Variants in SPOCK3 observed in about 807,000 individuals in gnomAD.
SPOCK3 encodes the protein testican-3.
In SPOCK3, 30 loss-of-function variants were observed where a neutral mutation model predicts 56.6. The ratio of observed to expected loss-of-function variants is 0.53; its 90% CI spans 0.40 to 0.72. The LOEUF (loss-of-function observed/expected upper bound fraction) is 0.72, where lower values mean the gene tolerates loss of function less well. Among genes scored for constraint, SPOCK3 ranks in the 30% least tolerant of loss-of-function variants. The pLI is 0.00. For missense variants in SPOCK3, 527 were observed against 530.0 expected, an observed-to-expected ratio of 0.99 and a Z score of 0.06; for synonymous variants, 196 against 183.3, an observed-to-expected ratio of 1.07 and a Z score of -0.56.
chr4:166,866,428 A>T (rs182048483), intron 6 of SPOCK3, among the ~76,000 whole-genome samples: 3 of 152,304 alleles, frequency 2.0e-5, no homozygotes, highest in Non-Finnish European at 2.9e-5. Context: ...AAAATTGACA[A>T]ATGGGATCTA....
rs538204984 is a variant in SPOCK3, at chr4:166,889,591, A to G, written c.475-347T>C. Among the ~76,000 whole-genome samples, 6 of 152,122 alleles carry G rather than the reference A, an allele frequency of 3.9e-5. 1 individual carries two copies. Among genetic ancestry groups the G allele is most frequent in the East Asian group, 1.9e-4 (1 of 5,168 alleles). Reference sequence around the variant, plus strand: ...CGCATGACATAGAGTTTGACAGTACATCTCTTGAGCTTCTCAAATATAATC... The same window carrying G: ...CGCATGACATAGAGTTTGACAGTACGTCTCTTGAGCTTCTCAAATATAATC... On this transcript the variant is annotated intron_variant, in intron 5 of 10. Coordinates refer to ENST00000357545, the MANE Select transcript of SPOCK3 (RefSeq NM_001040159.2).
At chr4:166,931,058 T>G (rs1739690966) in intron 4 of SPOCK3, among the ~76,000 whole-genome samples, 3 of 152,160 alleles carry the variant, frequency 2.0e-5, no homozygotes, top group Admixed American at 2.0e-4. Flanking sequence ...CTCAGCTCAC[T>G]GCAACCTCCA....
chr4:166,890,407 G>A (rs955334104), intron 5 of SPOCK3, among the ~76,000 whole-genome samples: 7 of 151,802 alleles, frequency 4.6e-5, no homozygotes, highest in South Asian at 2.1e-4. Context: ...GAACCAAACA[G>A]CCAGTTTTTC....
chr4:166,784,467 C>T lies in SPOCK3; in HGVS notation c.709+7703G>A, dbSNP rs147104579. Among the ~76,000 whole-genome samples the T allele has an allele frequency of 1.5e-3, 234 of 151,876 alleles. 1 individual carries two copies. The highest frequency in any genetic ancestry group is 4.8e-3 in the African/African-American group (201 of 41,452). On this transcript the variant is annotated intron_variant, in intron 7 of 10. Transcript: ENST00000357545. ...ATTTTATTATAAGGAGTTAAGAGTCCACAGAATAAAAGAGAATAAAATGCC... is the reference window on the plus strand; with the variant it reads ...ATTTTATTATAAGGAGTTAAGAGTCTACAGAATAAAAGAGAATAAAATGCC...
intron 4 of SPOCK3, among the ~76,000 whole-genome samples, chr4:166,982,855 T>G (rs961419903): frequency 2.6e-5 from 4 of 152,170 alleles, no homozygotes; most frequent in Non-Finnish European, 5.9e-5. Context: ...TACTTGTACT[T>G]AAATAATGCA....
chr4:166,855,664 TC>T (rs1312027842), intron 6 of SPOCK3, among the ~76,000 whole-genome samples: 1 of 152,270 alleles, frequency 6.6e-6, no homozygotes, highest in African/African-American at 2.4e-5. Context: ...CTTACTTAAT[TC>T]CTTTAACTTG....
chr4:166,743,107 C>G (rs1735078441), intron 8 of SPOCK3, among the ~76,000 whole-genome samples: 1 of 151,916 alleles, frequency 6.6e-6, no homozygotes, highest in African/African-American at 2.4e-5. Context: ...TAATTATATA[C>G]ACATATAATA....
intron 6 of SPOCK3, among the ~76,000 whole-genome samples, chr4:166,832,654 C>G (rs1200824403): frequency 4.6e-5 from 7 of 152,062 alleles, no homozygotes; most frequent in African/African-American, 1.2e-4. Context: ...ATGGAATGAA[C>G]CTAGAGATCC....
chr4:166,858,299 C>T (rs947470020), intron 6 of SPOCK3, among the ~76,000 whole-genome samples: 1 of 152,124 alleles, frequency 6.6e-6, no homozygotes, highest in African/African-American at 2.4e-5. Context: ...CTGTGAATTT[C>T]ATAGGGTTCT....
chr4:166,877,556 G>A (rs1293452822), intron 6 of SPOCK3, among the ~76,000 whole-genome samples: 2 of 152,054 alleles, frequency 1.3e-5, no homozygotes, highest in African/African-American at 4.8e-5. Context: ...CTTTGGTAGG[G>A]ATAGAAGAAA....
At chr4:167,124,992 A>T (rs1762143504) in intron 2 of SPOCK3, among the ~76,000 whole-genome samples, 1 of 152,092 alleles carries the variant, frequency 6.6e-6, no homozygotes, top group Admixed American at 6.5e-5. Context: ...TCAGTGTTTA[A>T]TTCTAAAGTC....
At chr4:166,829,628 G>A (rs1242867651) in intron 6 of SPOCK3, among the ~76,000 whole-genome samples, 1 of 151,998 alleles carries the variant, frequency 6.6e-6, no homozygotes, top group Non-Finnish European at 1.5e-5. Flanking sequence ...TTTTATTGAG[G>A]AAGTTTCCTG....
chr4:166,944,079 G>A (rs983578548), intron 4 of SPOCK3, among the ~76,000 whole-genome samples: 3 of 152,108 alleles, frequency 2.0e-5, no homozygotes, highest in Non-Finnish European at 2.9e-5. Context: ...CCCGGGAGGC[G>A]AAGGTTACAG....
At chr4:166,744,979 G>C (rs528543575) in intron 8 of SPOCK3, among the ~76,000 whole-genome samples, 1 of 152,158 alleles carries the variant, frequency 6.6e-6, no homozygotes, top group Admixed American at 6.6e-5. Context: ...CAAGAAATAT[G>C]GGACTATGTG....
At chr4:167,068,612 A>T (rs764904203) in intron 2 of SPOCK3, among the ~76,000 whole-genome samples, 8 of 151,884 alleles carry the variant, frequency 5.3e-5, no homozygotes, top group Non-Finnish European at 1.0e-4. Flanking sequence ...TGATCATTCC[A>T]TTGTGACCCC....
chr4:166,962,527 G>T (rs1267754898), intron 4 of SPOCK3, among the ~76,000 whole-genome samples: 1 of 152,056 alleles, frequency 6.6e-6, no homozygotes, highest in African/African-American at 2.4e-5. Flanking sequence ...TAACAAGAAT[G>T]CCATTTGCAA....
At chr4:167,100,223 C>T (rs185623854) in intron 2 of SPOCK3, among the ~76,000 whole-genome samples, 34 of 152,190 alleles carry the variant, frequency 2.2e-4, no homozygotes, top group African/African-American at 7.5e-4. Context: ...TGCCATGTAA[C>T]ATAGGCAGCT....
intron 2 of SPOCK3, among the ~76,000 whole-genome samples, chr4:167,066,469 C>T (rs1756145017): frequency 6.6e-6 from 1 of 151,778 alleles, no homozygotes; most frequent in Non-Finnish European, 1.5e-5. Context: ...TAAATAAAGA[C>T]AAATGAATCA....
intron 2 of SPOCK3, among the ~76,000 whole-genome samples, chr4:167,108,187 C>A (rs986782070): frequency 6.6e-6 from 1 of 151,804 alleles, no homozygotes; most frequent in Admixed American, 6.6e-5. Context: ...GAAAAGGAAA[C>A]CCCCGTACAC....
Sources: gnomAD v4.1 joint callset for allele counts (sites outside exome capture counted in the v4.1 genomes callset) on GRCh38, gnomAD v4.1.1 for gene constraint, MANE v1.5 for transcripts, NCBI Gene and HGNC (gene_info 2026-07-23, HGNC 2026-07-21) for gene names.